The following PLB1 variants were observed in gnomAD, a reference collection of about 807,000 sequenced individuals.
PLB1 encodes the protein phospholipase B1.
Under a neutral mutation model 227.4 loss-of-function variants are expected in PLB1, and 242 were observed. That is an observed-to-expected ratio of 1.06 (90% confidence interval 0.96 to 1.18). The LOEUF is 1.18. Ranked by LOEUF, PLB1 falls within the 50% of genes most tolerant of loss-of-function variation. The probability of loss-of-function intolerance (pLI) is 0.00; values close to 1 mark genes in which losing one functional copy is unlikely to be tolerated. For missense variants in PLB1, 1,858 were observed against 1,816.3 expected (o/e 1.02, Z -0.42); for synonymous variants, 757 against 682.2 (o/e 1.11, Z -1.71).
intron 44 of PLB1, 122 bp from the exon 45 acceptor site, chr2:28,617,605 T>A (rs889993872): frequency 1.9e-5 from 17 of 911,988 alleles, no homozygotes; most frequent in African/African-American, 6.5e-5. Flanking sequence ...CCTCACATGA[T>A]CCTGTATGGT....
intron 20 of PLB1, among the ~76,000 whole-genome samples, chr2:28,569,104 G>A (rs1677561203): frequency 6.6e-6 from 1 of 152,202 alleles, no homozygotes; most frequent in African/African-American, 2.4e-5. Flanking sequence ...TAAACCTGCA[G>A]CAGTGCTGGG....
chr2:28,553,828 A>G (rs1674606827), intron 17 of PLB1, among the ~76,000 whole-genome samples: 2 of 152,156 alleles, frequency 1.3e-5, no homozygotes, highest in Non-Finnish European at 2.9e-5. Context: ...TGGCCTCAGG[A>G]TTATAAAAAA....
chr2:28,559,524 G>A (rs998952258), intron 17 of PLB1, among the ~76,000 whole-genome samples: 2 of 152,146 alleles, frequency 1.3e-5, no homozygotes, highest in African/African-American at 2.4e-5. Context: ...ATTGCAGACA[G>A]CATGAAAGAA....
intron 52 of PLB1, among the ~76,000 whole-genome samples, chr2:28,628,847 A>G (rs535249502): frequency 7.9e-5 from 12 of 152,222 alleles, no homozygotes; most frequent in East Asian, 1.9e-4. Context: ...CTCTGAACCA[A>G]TTGGCCCAGG....
chr2:28,598,901 C>T (rs1683415116), intron 35 of PLB1, 141 bp downstream of exon 35: 1 of 710,392 alleles, frequency 1.4e-6, no homozygotes, highest in Non-Finnish European at 2.5e-6. Context: ...TTCCCTGCTG[C>T]CCCTGTGACG....
At chr2:28,639,066 TAAA>T (rs35534591) in intron 56 of PLB1, among the ~76,000 whole-genome samples, 88 of 130,480 alleles carry the variant, frequency 6.7e-4, no homozygotes, top group Non-Finnish European at 6.5e-4. Flanking sequence ...AGATTCCATC[TAAA>T]AAAAAAAAAA....
intron 8 of PLB1, among the ~76,000 whole-genome samples, chr2:28,531,533 A>T (rs1671010966): frequency 6.6e-6 from 1 of 152,096 alleles, no homozygotes; most frequent in South Asian, 2.1e-4. Flanking sequence ...CTGGTCTCGA[A>T]CTCCCAACCT....
chr2:28,620,455 G>A (rs930271894), intron 47 of PLB1, 123 bp downstream of exon 47: 14 of 1,350,464 alleles, frequency 1.0e-5, no homozygotes, highest in African/African-American at 1.5e-5. Context: ...TGAGACAGGA[G>A]ACTCAATGCT....
At chr2:28,612,157 C>CAAGA (rs1247688898) in intron 43 of PLB1, among the ~76,000 whole-genome samples, 1 of 152,038 alleles carries the variant, frequency 6.6e-6, no homozygotes, top group Admixed American at 6.6e-5. Context: ...AAAAAGCAAG[C>CAAGA]AAGAAAGAAA....
chr2:28,641,251 A>T (rs985241720), intron 57 of PLB1, among the ~76,000 whole-genome samples: 2 of 152,176 alleles, frequency 1.3e-5, no homozygotes, highest in African/African-American at 4.8e-5. Flanking sequence ...GAGGCAGATG[A>T]GCACTGGCGG....
rs1353884081 is a variant in PLB1 at position 28,633,269 on chromosome 2, G to T, written c.4098+230G>T. On this transcript the variant is annotated intron_variant, in intron 56 of 57. Coordinates refer to ENST00000327757, the MANE Select transcript of PLB1 (RefSeq NM_153021.5). Reference sequence around the variant, plus strand: ...ACACACTCACACAACTTTATTCTTTGTTCCTTCAGCAATGCCCAGGTACTG... The same window carrying T: ...ACACACTCACACAACTTTATTCTTTTTTCCTTCAGCAATGCCCAGGTACTG... 5.8e-6 allele frequency: 3 copies of T among 518,120 alleles called. No individual in the cohort carries two copies. In the East Asian group the frequency reaches 9.9e-5, roughly 17 times the overall value. The allele number at this position is 518,120 out of a possible 1,614,324, so 32.1% of individuals were successfully genotyped here.
intron 54 of PLB1, 84 bp from the exon 55 acceptor site, chr2:28,631,952 A>T (rs528706240): frequency 4.2e-6 from 5 of 1,197,966 alleles, no homozygotes; most frequent in South Asian, 3.7e-5. Flanking sequence ...GACTCCCGTC[A>T]ACAACCAATC....
chr2:28,545,192 GC>G (rs1361144697), intron 14 of PLB1, among the ~76,000 whole-genome samples: 4 of 152,240 alleles, frequency 2.6e-5, no homozygotes, highest in African/African-American at 7.2e-5. Flanking sequence ...GGAGGATGTG[GC>G]TTTCCTAGGT....
intron 9 of PLB1, among the ~76,000 whole-genome samples, chr2:28,533,652 A>G (rs890543888): frequency 7.2e-5 from 11 of 152,240 alleles, no homozygotes; most frequent in Admixed American, 2.0e-4. Context: ...CTCATCTTAC[A>G]TGCAGACATA....
chr2:28,542,139 A>G (rs1672590668), intron 13 of PLB1, among the ~76,000 whole-genome samples: 1 of 151,924 alleles, frequency 6.6e-6, no homozygotes, highest in East Asian at 1.9e-4. Context: ...TCTCAAAAAA[A>G]AAAAAAAAAA....
At chr2:28,534,171 T>C (rs553236179) in intron 9 of PLB1, among the ~76,000 whole-genome samples, 2 of 152,350 alleles carry the variant, frequency 1.3e-5, no homozygotes, top group African/African-American at 2.4e-5. Context: ...AGTTTATTTC[T>C]CTTCCATGAG....
intron 20 of PLB1, among the ~76,000 whole-genome samples, chr2:28,567,548 A>G (rs1395005119): frequency 7.5e-6 from 1 of 133,684 alleles, no homozygotes; most frequent in African/African-American, 3.0e-5. Flanking sequence ...ATCTCAGCTC[A>G]TTGCAACCTC....
At chr2:28,529,638 T>G in intron 7 of PLB1, 90 bp from the exon 8 acceptor site, 1 of 1,348,354 alleles carries the variant, frequency 7.4e-7, no homozygotes, top group Non-Finnish European at 1.1e-6. Flanking sequence ...GCTTAGAGAC[T>G]GACACCTGAG....
At chr2:28,504,095 G>A (rs112580928) in intron 1 of PLB1, among the ~76,000 whole-genome samples, 180 of 152,254 alleles carry the variant, frequency 1.2e-3, no homozygotes, top group African/African-American at 4.1e-3. Flanking sequence ...TTCTCAACCA[G>A]TATCTCTTGA....
Sources: allele counts gnomAD v4.1 joint callset (sites outside exome capture counted in the v4.1 genomes callset), GRCh38; gene constraint gnomAD v4.1.1; transcripts MANE v1.5; gene names NCBI Gene and HGNC (gene_info 2026-07-23, HGNC 2026-07-21).